YLPM1: variants seen among roughly 807,000 people sequenced by gnomAD.
YLPM1 encodes the protein YLP motif containing 1, also known as YLP motif-containing protein 1.
A neutral mutation model predicts 230.0 loss-of-function variants in YLPM1; 99 were observed. The ratio of observed to expected loss-of-function variants is 0.43; its 90% confidence interval spans 0.37 to 0.51. The LOEUF is 0.51. Among genes scored for constraint, YLPM1 ranks in the 20% least tolerant of loss-of-function variants. YLPM1 has a pLI of 0.00. For synonymous variants in YLPM1, 984 were observed against 942.5 expected, an observed-to-expected ratio of 1.04 and a Z score of -0.81; for missense variants, 2,592 against 2,707.7, an observed-to-expected ratio of 0.96 and a Z score of 0.95.
chr14:74,764,287 G>T lies in YLPM1; in HGVS notation c.798G>T (p.Glu266Asp). 2 of 1,613,884 alleles carry T rather than the reference G, an allele frequency of 1.2e-6. No homozygotes were observed. The highest frequency in any genetic ancestry group is 1.1e-5 in the South Asian group (1 of 91,074). Residue 266 changes from glutamate to aspartate, a missense_variant, in exon 1 of 21, where the codon GAG becomes GAT. Transcript: ENST00000325680. ...NKTTVQQEPL[E>D]SGAKNKSTEQ... ...CAACTGTCCAGCAAGAGCCTTTGGA[G>T]AGTGGGGCCAAAAACAAGAGTACTG...
intron 7 of YLPM1, 30 bp from the exon 8 acceptor site, chr14:74,809,880 C>T (rs1309554632): frequency 7.5e-6 from 12 of 1,603,464 alleles, no homozygotes; most frequent in Non-Finnish European, 9.4e-6. Flanking sequence ...TTCACTCTTA[C>T]AGTACTTTAT....
intron 19 of YLPM1, 135 bp downstream of exon 19, chr14:74,829,478 G>A: frequency 1.6e-6 from 2 of 1,256,492 alleles, no homozygotes; most frequent in Non-Finnish European, 1.1e-6. Flanking sequence ...TGTATCCCAA[G>A]AAGGAGTCAT....
intron 4 of YLPM1, among the ~76,000 whole-genome samples, chr14:74,788,395 C>T (rs962620161): frequency 1.3e-5 from 2 of 152,214 alleles, no homozygotes; most frequent in African/African-American, 4.8e-5. Flanking sequence ...GCTGGGATTA[C>T]AGGCGTGAGC....
chr14:74,815,134 A>G lies in YLPM1; in HGVS notation c.5503-1069A>G, dbSNP rs146634982. ...AGGCTGGGGTTGCACTCCTGGGCTCAAGTGACCCTCCTGCCTCAGCCTCCT... is the reference window on the plus strand; with the variant it reads ...AGGCTGGGGTTGCACTCCTGGGCTCGAGTGACCCTCCTGCCTCAGCCTCCT... On this transcript the variant is annotated intron_variant, in intron 11 of 20. Coordinates refer to ENST00000325680, the MANE Select transcript of YLPM1 (RefSeq NM_019589.3). Among the ~76,000 whole-genome samples, 506 of 152,330 alleles carry G rather than the reference A, an allele frequency of 3.3e-3. 4 individuals are homozygous for G. Among genetic ancestry groups the G allele is most frequent in the African/African-American group, 0.011 (474 of 41,578 alleles).
chr14:74,834,137 C>G (rs2091626789), intron 19 of YLPM1, among the ~76,000 whole-genome samples: 1 of 149,694 alleles, frequency 6.7e-6, no homozygotes, highest in South Asian at 2.1e-4. Flanking sequence ...TTGCTTGAGT[C>G]CAGCAGTTTG....
At chr14:74,786,721 A>G (rs2091154159) in intron 4 of YLPM1, among the ~76,000 whole-genome samples, 1 of 152,200 alleles carries the variant, frequency 6.6e-6, no homozygotes, top group Admixed American at 6.5e-5. Flanking sequence ...TTTGGTTATT[A>G]TGAAAAGTGC....
Position 74,816,943 on chromosome 14 carries a change from G to C in YLPM1, c.5698G>C (p.Glu1900Gln), listed in dbSNP as rs2091483110. 6.3e-7 allele frequency: 1 copy of C among 1,575,566 alleles called. No homozygotes were observed. The highest frequency in any genetic ancestry group is 8.6e-7 in the Non-Finnish European group (1 of 1,166,006). ...KKVKKKVMEY[E>Q]YEAEMEETYR... ...TGGGGGACCTTAGGTAATGGAATATGAATATGAAGCTGAGATGGAGGAGAC... is the reference window on the plus strand; with the variant it reads ...TGGGGGACCTTAGGTAATGGAATATCAATATGAAGCTGAGATGGAGGAGAC... Residue 1900 changes from glutamate (E) to glutamine (Q), a missense_variant, in exon 14 of 21, where the codon GAA (glutamate) becomes CAA (glutamine). This residue lies in a region of YLPM1 where 315 missense variants were observed against 429.3 expected (regional missense o/e 0.73). Coordinates refer to ENST00000325680, the MANE Select transcript of YLPM1 (RefSeq NM_019589.3).
chr14:74,811,871 C>A, intron 10 of YLPM1, 133 bp downstream of exon 10: 2 of 565,530 alleles, frequency 3.5e-6, no homozygotes, highest in Non-Finnish European at 5.9e-6. Context: ...TGGCATTGTC[C>A]TAAAAAATAG....
chr14:74,781,990 C>T lies in YLPM1; in HGVS notation c.1947C>T (p.Ala649=). The T allele has an allele frequency of 6.2e-7, 1 of 1,613,784 alleles. No individual in the cohort carries two copies. The highest frequency in any genetic ancestry group is 8.5e-7 in the Non-Finnish European group (1 of 1,179,784). The change falls in exon 4 of 21, where the codon GCC becomes GCT. Residue 649 remains alanine, a synonymous_variant. Coordinates refer to ENST00000325680, the MANE Select transcript of YLPM1 (RefSeq NM_019589.3). ...PQGIPPQLTA[A]PVPPASSSQS... ...GGATACCTCCTCAGTTAACAGCAGC[C>T]CCAGTTCCACCAGCCTCCAGTTCAC...
rs28710088 is a variant in YLPM1, at chr14:74,791,119, T to C, written c.2283-6461T>C. Among the ~76,000 whole-genome samples, 1,318 of 152,098 alleles carry C rather than the reference T, an allele frequency of 8.7e-3. 15 individuals are homozygous for C. Among genetic ancestry groups the C allele is most frequent in the African/African-American group, 0.03 (1,234 of 41,484 alleles). ...TATCCGAGCCTGGTGACATAAAAAA[T>C]TAGCCAGGCATGGTGGCAGGCACCT... is the stretch of plus-strand genomic sequence containing the variant. On this transcript the variant is annotated intron_variant, in intron 4 of 20. Transcript: ENST00000325680.
rs1204052604 is a variant in YLPM1 at position 74,764,106 on chromosome 14, C to T, written c.617C>T (p.Ser206Phe). ...CAATCCTACCTGGCGCCCACCCCTTCTTACTCATCCTCCTCCTCTTCCTCG... is the reference window on the plus strand; with the variant it reads ...CAATCCTACCTGGCGCCCACCCCTTTTTACTCATCCTCCTCCTCTTCCTCG... ...PSQSYLAPTP[S>F]YSSSSSSSQS... is the part of the protein sequence containing the mutation. The change falls in exon 1 of 21, where the codon TCT (serine) becomes TTT (phenylalanine). Residue 206 changes from serine to phenylalanine, a missense_variant. Physicochemically the swap from Ser to Phe is radical, Grantham distance 155. Around this residue, in one of 4 missense-constraint regions of YLPM1, gnomAD observed 1,862 missense variants for 1,819.8 expected, o/e 1.02. Coordinates refer to ENST00000325680, the MANE Select transcript of YLPM1 (RefSeq NM_019589.3). 6.2e-7 allele frequency: 1 copy of T among 1,613,540 alleles called. No homozygotes were observed.
In YLPM1 at chr14:74,810,348, G is replaced by A. The variant is rs369663013; in HGVS notation, c.5156G>A (p.Arg1719Gln). ...AGGGATCGTGAGACACATAGAGATC[G>A]AGACCGGGATCGTGGTGTTATTGAC... ...FKRDRETHRD[R>Q]DRDRGVIDYD... is the part of the protein sequence containing the mutation. The change falls in exon 9 of 21, where the codon CGA (arginine) becomes CAA (glutamine). Residue 1719 changes from arginine to glutamine, a missense_variant. This residue lies in a region of YLPM1 where 403 missense variants were observed against 426.7 expected (regional missense o/e 0.94). Transcript: ENST00000325680. The A allele has an allele frequency of 4.3e-6, 7 of 1,613,558 alleles. No individual in the cohort carries two copies. The highest frequency in any genetic ancestry group is 5.1e-6 in the Non-Finnish European group (6 of 1,179,856).
chr14:74,818,019 A>G (rs2091492812), intron 15 of YLPM1, among the ~76,000 whole-genome samples: 1 of 151,838 alleles, frequency 6.6e-6, no homozygotes, highest in African/African-American at 2.4e-5. Flanking sequence ...TGGCGCCACT[A>G]CACTCCAGCC....
chr14:74,774,787 G>A (rs1289204629), intron 1 of YLPM1, among the ~76,000 whole-genome samples: 2 of 147,708 alleles, frequency 1.4e-5, no homozygotes, highest in African/African-American at 2.6e-5. Context: ...TAGGTGATCA[G>A]CCCACCTTGG....
chr14:74,810,275 T>G lies in YLPM1; in HGVS notation c.5083T>G (p.Tyr1695Asp), dbSNP rs1222983246. Residue 1695 changes from tyrosine to aspartate, a missense_variant, in exon 9 of 21, where the codon TAT becomes GAT. Transcript: ENST00000325680. ...TGATAGAGAAAGAGATCGTGAGCCT[T>G]ATTTTGATCGTCAAAGTAATGTCAT... ...RYDRERDREP[Y>D]FDRQSNVIAD... The G allele has an allele frequency of 6.2e-7, 1 of 1,613,924 alleles. No homozygotes were observed. The highest frequency in any genetic ancestry group is 8.5e-7 in the Non-Finnish European group (1 of 1,179,870).
chr14:74,784,011 G>A (rs990209498), intron 4 of YLPM1, among the ~76,000 whole-genome samples: 12 of 152,166 alleles, frequency 7.9e-5, no homozygotes, highest in Non-Finnish European at 1.3e-4. Flanking sequence ...TTTAAGCTCT[G>A]TTTACTGCCA....
intron 10 of YLPM1, 148 bp from the exon 11 acceptor site, chr14:74,812,480 C>T (rs2091442500): frequency 1.4e-6 from 1 of 735,508 alleles, no homozygotes; most frequent in Non-Finnish European, 2.0e-6. Context: ...TTTTACATTA[C>T]CTTAAATTTT....
In YLPM1 at chr14:74,809,467, G is replaced by A; in HGVS notation, c.4609G>A (p.Val1537Ile). The change falls in exon 7 of 21, where the codon GTT (valine) becomes ATT (isoleucine). Residue 1537 changes from valine to isoleucine, a missense_variant. Transcript: ENST00000325680. ...CTCTGCTCCACCAGCAAGATCATCT[G>A]TTCCTGTGACCAGGCCACCTGTCCC... ...RPSAPPARSS[V>I]PVTRPPVPIP... The A allele has an allele frequency of 6.3e-7, 1 of 1,593,524 alleles. No homozygotes were observed. Among genetic ancestry groups the A allele is most frequent in the Non-Finnish European group, 8.6e-7 (1 of 1,169,006 alleles).
chr14:74,793,275 GT>G (rs536418352), intron 4 of YLPM1, among the ~76,000 whole-genome samples: 4 of 151,686 alleles, frequency 2.6e-5, no homozygotes, highest in East Asian at 3.9e-4. Context: ...TTTTTCTCTC[GT>G]TTTCTGTTTC....
Sources: allele counts gnomAD v4.1 joint callset (sites outside exome capture counted in the v4.1 genomes callset), GRCh38; gene constraint gnomAD v4.1.1; regional missense constraint gnomAD v4.1.1; transcripts MANE v1.5; gene names NCBI Gene and HGNC (gene_info 2026-07-23, HGNC 2026-07-21).